Variants in PPP1R16B observed in about 807,000 individuals in gnomAD.
The protein encoded by PPP1R16B is protein phosphatase 1 regulatory inhibitor subunit 16B.
In PPP1R16B, 14 loss-of-function variants were observed where a neutral mutation model predicts 61.7. The observed-to-expected ratio is 0.23, with a 90% CI of 0.15 to 0.35. The LOEUF (loss-of-function observed/expected upper bound fraction) is 0.35, where lower values mean the gene tolerates loss of function less well. PPP1R16B is among the 10% of genes least tolerant of loss of function. PPP1R16B has a pLI of 1.00. For missense variants in PPP1R16B, 547 were observed against 752.5 expected, an observed-to-expected ratio of 0.73 and a Z score of 3.19; for synonymous variants, 266 against 305.3, an observed-to-expected ratio of 0.87 and a Z score of 1.34.
intron 2 of PPP1R16B, among the ~76,000 whole-genome samples, chr20:38,869,314 A>AACG (rs1430070060): frequency 7.6e-4 from 115 of 151,998 alleles, no homozygotes; most frequent in Middle Eastern, 3.4e-3. Flanking sequence ...GTGCACCACC[A>AACG]TGCCCAGCTA....
chr20:38,870,702 C>A lies in PPP1R16B; in HGVS notation c.251-18893C>A, dbSNP rs2085122926. Among the ~76,000 whole-genome samples the A allele has an allele frequency of 2.0e-5, 3 of 152,140 alleles. No individual in the cohort carries two copies. The South Asian group carries it at 6.2e-4, about 32-fold the overall frequency. On this transcript the variant is annotated intron_variant, in intron 2 of 10. Coordinates refer to ENST00000299824, the MANE Select transcript of PPP1R16B (RefSeq NM_015568.4). ...TGGCTGATGGCCCATACTGTAGGGG[C>A]CACAACTTTGTCTTAGCTGCAAGCA... is the stretch of plus-strand genomic sequence containing the variant.
intron 2 of PPP1R16B, among the ~76,000 whole-genome samples, chr20:38,845,078 C>G (rs2084928925): frequency 6.6e-6 from 1 of 151,922 alleles, no homozygotes; most frequent in Non-Finnish European, 1.5e-5. Flanking sequence ...GGCTGCCACT[C>G]CATGCCCCTG....
chr20:38,834,895 T>A (rs1367196194), intron 1 of PPP1R16B, among the ~76,000 whole-genome samples: 2 of 151,990 alleles, frequency 1.3e-5, no homozygotes, highest in African/African-American at 4.8e-5. Context: ...GTGAGAAAAG[T>A]GATGTTTAAA....
chr20:38,836,359 CT>C (rs3830774), intron 2 of PPP1R16B, among the ~76,000 whole-genome samples, 184 bp downstream of exon 2: 1 of 151,762 alleles, frequency 6.6e-6, no homozygotes, highest in African/African-American at 2.4e-5. Flanking sequence ...TCTTAGACTT[CT>C]TTTTTTTCTA....
At chr20:38,871,308 G>T (rs1322531979) in intron 2 of PPP1R16B, among the ~76,000 whole-genome samples, 1 of 152,170 alleles carries the variant, frequency 6.6e-6, no homozygotes, top group East Asian at 1.9e-4. Context: ...GGCTCCTTTT[G>T]AAATGAAATG....
intron 3 of PPP1R16B, among the ~76,000 whole-genome samples, chr20:38,891,178 C>T (rs1277637004): frequency 6.6e-6 from 1 of 152,216 alleles, no homozygotes; most frequent in Non-Finnish European, 1.5e-5. Flanking sequence ...CTACCTCCTA[C>T]TGCGTGCCAG....
intron 1 of PPP1R16B, among the ~76,000 whole-genome samples, chr20:38,825,361 G>A (rs1213466542): frequency 3.3e-5 from 5 of 152,192 alleles, no homozygotes; most frequent in Non-Finnish European, 5.9e-5. Flanking sequence ...AGCCGCAAGT[G>A]CTTTAGAAGA....
At chr20:38,906,226 T>C (rs1214555092) in intron 7 of PPP1R16B, 132 bp downstream of exon 7, 2 of 889,580 alleles carry the variant, frequency 2.2e-6, no homozygotes, top group African/African-American at 3.4e-5. Context: ...ATAGCTCATA[T>C]GTGGGATATG....
Position 38,898,319 on chromosome 20 carries a change from GAC to G in PPP1R16B, c.468-2261_468-2260del, listed in dbSNP as rs1368980716. On this transcript the variant is annotated intron_variant, in intron 4 of 10. Coordinates refer to ENST00000299824, the MANE Select transcript of PPP1R16B (RefSeq NM_015568.4). ...CCGTGTATGTGAGGGTTTGTTTCTG[GAC>G]TCTATTCTATTTTATTGGTCTATAT... Among the ~76,000 whole-genome samples the G allele has an allele frequency of 2.0e-5, 3 of 152,226 alleles. No homozygotes were observed. In the East Asian group the frequency reaches 5.8e-4, roughly 29 times the overall value.
chr20:38,866,951 G>T (rs189201322), intron 2 of PPP1R16B, among the ~76,000 whole-genome samples: 1 of 152,088 alleles, frequency 6.6e-6, no homozygotes, highest in Non-Finnish European at 1.5e-5. Flanking sequence ...CCTGGCAGCC[G>T]CTAATCTACT....
At chr20:38,896,155 C>CTCCCTCCCTTCCTTCCTTCTTTCT (rs1601298770) in intron 4 of PPP1R16B, among the ~76,000 whole-genome samples, 4 of 89,660 alleles carry the variant, frequency 4.5e-5, no homozygotes, top group Admixed American at 1.2e-4. Flanking sequence ...TTCTTTCTTC[C>CTCCCTCCCTTCCTTCCTTCTTTCT]TCCCTCCCTT....
intron 2 of PPP1R16B, among the ~76,000 whole-genome samples, chr20:38,853,346 T>C (rs2084982083): frequency 6.6e-6 from 1 of 152,204 alleles, no homozygotes; most frequent in Non-Finnish European, 1.5e-5. Context: ...GCTGAGGAAG[T>C]TGCATGCAGA....
At chr20:38,823,885 C>T (rs1260549045) in intron 1 of PPP1R16B, among the ~76,000 whole-genome samples, 4 of 152,096 alleles carry the variant, frequency 2.6e-5, no homozygotes, top group Non-Finnish European at 5.9e-5. Context: ...CTCCTCTTAC[C>T]GTCATGCCTC....
chr20:38,815,557 T>A (rs965334187), intron 1 of PPP1R16B, among the ~76,000 whole-genome samples: 11 of 152,258 alleles, frequency 7.2e-5, no homozygotes, highest in Non-Finnish European at 1.5e-4. Flanking sequence ...CAGTTTCAAC[T>A]GTGATAGACA....
At chr20:38,835,064 T>C (rs1216903927) in intron 1 of PPP1R16B, among the ~76,000 whole-genome samples, 1 of 152,222 alleles carries the variant, frequency 6.6e-6, no homozygotes, top group Non-Finnish European at 1.5e-5. Context: ...AGTATAGTTA[T>C]GAAAATAGTT....
At chr20:38,906,844 C>T in intron 7 of PPP1R16B, 135 bp from the exon 8 acceptor site, 1 of 720,314 alleles carries the variant, frequency 1.4e-6, no homozygotes, top group Non-Finnish European at 2.4e-6. Context: ...CTCTAGTTTG[C>T]AGGCCTTCCC....
intron 2 of PPP1R16B, among the ~76,000 whole-genome samples, chr20:38,851,756 C>T (rs1398619692): frequency 1.3e-5 from 2 of 152,128 alleles, no homozygotes; most frequent in South Asian, 2.1e-4. Flanking sequence ...CATGGTGGCT[C>T]ATACCTGTAA....
intron 1 of PPP1R16B, among the ~76,000 whole-genome samples, chr20:38,821,031 A>C (rs1299112770): frequency 4.3e-5 from 5 of 115,182 alleles, no homozygotes; most frequent in Admixed American, 2.0e-4. Context: ...ACAGAGCAAG[A>C]CTCCGTCTCA....
rs1157107227 is a variant in PPP1R16B, at chr20:38,854,708, A to ATGATGC, written c.250+18534_250+18539dup. On this transcript the variant is annotated intron_variant, in intron 2 of 10. Transcript: ENST00000299824. ...ATTCCTCATCTGTAAAGTGGAGAGAATGATGCAGGGAAGGGAGGGGAGTGG... is the reference window on the plus strand; with the variant it reads ...ATTCCTCATCTGTAAAGTGGAGAGAATGATGCTGATGCAGGGAAGGGAGGGGAGTGG... Among the ~76,000 whole-genome samples, 3 of 152,188 alleles carry ATGATGC rather than the reference A, an allele frequency of 2.0e-5. No individual in the cohort carries two copies. In the East Asian group the frequency reaches 5.8e-4, roughly 29 times the overall value.
Sources: allele counts gnomAD v4.1 joint callset (sites outside exome capture counted in the v4.1 genomes callset), GRCh38; gene constraint gnomAD v4.1.1; transcripts MANE v1.5; gene names NCBI Gene and HGNC (gene_info 2026-07-23, HGNC 2026-07-21).